HDAC4: variants seen among roughly 807,000 people sequenced by gnomAD.
HDAC4 encodes histone deacetylase A.
In HDAC4, 16 loss-of-function variants were observed where a neutral mutation model predicts 135.1. The ratio of observed to expected loss-of-function variants is 0.12; its 90% CI spans 0.08 to 0.18. The LOEUF (loss-of-function observed/expected upper bound fraction) is 0.18. HDAC4 is among the 10% of genes least tolerant of loss of function. HDAC4 has a pLI of 1.00. For synonymous variants in HDAC4, 685 were observed against 653.4 expected (o/e 1.05, Z -0.74); for missense variants, 1,143 against 1,511.8 (o/e 0.76, Z 4.05).
chr2:239,105,413 C>CA (rs911845597), intron 15 of HDAC4, among the ~76,000 whole-genome samples: 7 of 152,236 alleles, frequency 4.6e-5, no homozygotes, highest in African/African-American at 1.4e-4. Context: ...TGGCTATACT[C>CA]AGAGGACCCC....
chr2:239,322,151 C>T (rs2053337403), intron 2 of HDAC4, among the ~76,000 whole-genome samples: 2 of 152,228 alleles, frequency 1.3e-5, no homozygotes, highest in African/African-American at 2.4e-5. Context: ...AGTGAAGTTA[C>T]ACCCTATGCG....
chr2:239,159,662 AACCCCGGCCACAGCCCACACTCACACTC>A (rs1331135414), intron 6 of HDAC4, among the ~76,000 whole-genome samples: 2 of 151,826 alleles, frequency 1.3e-5, no homozygotes, highest in Non-Finnish European at 2.9e-5. Flanking sequence ...ACACTAAGCT[AACCCCGGCCACAGCCCACACTCACACTC>A]ACCCCGGCCA....
At chr2:239,293,727 G>A (rs931935649) in intron 2 of HDAC4, among the ~76,000 whole-genome samples, 1 of 152,198 alleles carries the variant, frequency 6.6e-6, no homozygotes, top group Non-Finnish European at 1.5e-5. Flanking sequence ...TGGCCACGTG[G>A]TTTTCCTGTT....
intron 4 of HDAC4, among the ~76,000 whole-genome samples, chr2:239,179,126 C>T (rs570035955): frequency 1.2e-4 from 17 of 146,758 alleles, no homozygotes; most frequent in Non-Finnish European, 2.1e-4. Context: ...AGCCACCGGA[C>T]GCCTGAGGCA....
chr2:239,294,781 G>T (rs1182320147), intron 2 of HDAC4, among the ~76,000 whole-genome samples: 2 of 152,144 alleles, frequency 1.3e-5, no homozygotes, highest in African/African-American at 2.4e-5. Context: ...TTCCTCATCT[G>T]TAAAATGGGG....
chr2:239,118,770 T>G (rs571710383), intron 12 of HDAC4, among the ~76,000 whole-genome samples: 1 of 152,174 alleles, frequency 6.6e-6, no homozygotes, highest in Non-Finnish European at 1.5e-5. Flanking sequence ...CAAGTTCAAC[T>G]AAGGAATCTA....
rs1357921104 is a variant in HDAC4, at chr2:239,156,852, CGAT to C, written c.612-82_612-80del. ...CATGCTGCAGCCGAGAAGCCACACA[CGAT>C]GATCTTTCCCTTGAAACCTCAGCCC... On this transcript the variant is annotated intron_variant, in intron 6 of 26. Transcript: ENST00000543185. The C allele has an allele frequency of 6.4e-6, 10 of 1,561,192 alleles. No individual in the cohort carries two copies. In the East Asian group the frequency reaches 2.0e-4, roughly 32 times the overall value.
intron 22 of HDAC4, among the ~76,000 whole-genome samples, chr2:239,071,770 C>T (rs1009288787): frequency 6.6e-6 from 1 of 152,200 alleles, no homozygotes; most frequent in Non-Finnish European, 1.5e-5. Flanking sequence ...CTGTCGGCAG[C>T]TGATCTGGAC....
At chr2:239,074,080 A>ACAGGACTGAGGGGGGCCG (rs1352507645) in intron 22 of HDAC4, among the ~76,000 whole-genome samples, 8 of 120,778 alleles carry the variant, frequency 6.6e-5, no homozygotes, top group Admixed American at 3.8e-4. Flanking sequence ...TGAGGGGGCC[A>ACAGGACTGAGGGGGGCCG]CAGGACTGAG....
rs776321663 is a variant in HDAC4, at chr2:239,146,874, C to A, written c.734-2160G>T. Among the ~76,000 whole-genome samples the A allele has an allele frequency of 6.6e-6, 1 of 152,074 alleles. No homozygotes were observed. Among genetic ancestry groups the A allele is most frequent in the East Asian group, 1.9e-4 (1 of 5,176 alleles). ...ATTCTTCTGTCCCCTCACCTGTTTA[C>A]CCCCTGCCTCCCAGCCTGCACACCT... is the stretch of plus-strand genomic sequence containing the variant. On this transcript the variant is annotated intron_variant, in intron 7 of 26. Transcript: ENST00000543185. This position sits in a 1 kb window ranked among gnomAD's most constrained non-coding sequence, Gnocchi z 4.5.
chr2:239,263,962 T>C (rs1182668508), intron 2 of HDAC4, among the ~76,000 whole-genome samples: 2 of 151,868 alleles, frequency 1.3e-5, no homozygotes, highest in Non-Finnish European at 2.9e-5. Flanking sequence ...AAAGGAAGGG[T>C]ACGTGGGCAC....
chr2:239,170,629 A>G (rs1575278251), intron 5 of HDAC4, among the ~76,000 whole-genome samples: 1 of 152,344 alleles, frequency 6.6e-6, no homozygotes, highest in African/African-American at 2.4e-5. Flanking sequence ...TAACTTCAAG[A>G]ATTTTTATTC....
chr2:239,241,815 T>C (rs900123533), intron 2 of HDAC4, among the ~76,000 whole-genome samples: 11 of 152,178 alleles, frequency 7.2e-5, no homozygotes, highest in Non-Finnish European at 2.9e-5. Context: ...AGGTCTTATC[T>C]TTCACCATGG....
chr2:239,193,924 C>T (rs13419802), intron 3 of HDAC4, among the ~76,000 whole-genome samples: 7,776 of 152,204 alleles, frequency 0.051, 498 homozygotes, highest in African/African-American at 0.15. Flanking sequence ...CAAATGCCAC[C>T]GAAGCTATTT....
chr2:239,129,921 A>G (rs1399877662), intron 11 of HDAC4, among the ~76,000 whole-genome samples: 1 of 152,198 alleles, frequency 6.6e-6, no homozygotes, highest in African/African-American at 2.4e-5. Context: ...AAGAAAAAAG[A>G]AGGTGAAAGA....
intron 3 of HDAC4, among the ~76,000 whole-genome samples, chr2:239,201,745 A>G (rs867807105): frequency 6.6e-6 from 1 of 152,314 alleles, no homozygotes; most frequent in East Asian, 1.9e-4. Context: ...GATGGAAACG[A>G]CACATTCCTG....
At position 239,052,679 on chromosome 2, in the gene HDAC4, T is replaced by C. The variant is rs1209216032; in HGVS notation, c.*418A>G. The C allele has an allele frequency of 1.2e-5, 3 of 245,948 alleles. No homozygotes were observed. The highest frequency in any genetic ancestry group is 6.7e-5 in the African/African-American group (3 of 44,684). 15.2% of individuals were successfully genotyped at this position (245,948 alleles called of 1,614,324 possible). On this transcript the variant is annotated 3_prime_UTR_variant, in exon 27 of 27. Transcript: ENST00000543185. Reference sequence around the variant, plus strand: ...CTGTGGAGTTGTGGGTAATAAACTTTAAGCACCAGTTTTAATCAAGTTTGT... The same window carrying C: ...CTGTGGAGTTGTGGGTAATAAACTTCAAGCACCAGTTTTAATCAAGTTTGT...
chr2:239,305,569 T>C (rs2052532493), intron 2 of HDAC4: 1 of 152,740 alleles, frequency 6.5e-6, no homozygotes, highest in Non-Finnish European at 1.5e-5. Flanking sequence ...TTTTTCCTTA[T>C]TGTTGTATAT....
chr2:239,266,908 C>T (rs1220906079), intron 2 of HDAC4, among the ~76,000 whole-genome samples: 6 of 152,162 alleles, frequency 3.9e-5, no homozygotes, highest in Admixed American at 1.3e-4. Flanking sequence ...TCATTAGTTT[C>T]GTCTCCCCCA....
Sources: gnomAD v4.1 joint callset for allele counts (sites outside exome capture counted in the v4.1 genomes callset) on GRCh38, gnomAD v4.1.1 for gene constraint, Gnocchi (gnomAD v3.1) non-coding constraint, MANE v1.5 for transcripts, NCBI Gene and HGNC (gene_info 2026-07-23, HGNC 2026-07-21) for gene names.